Variants in ZNF114 observed in about 807,000 individuals in gnomAD.
The protein encoded by ZNF114 is zinc finger protein 114 (Y18).
In ZNF114, 8 loss-of-function variants were observed where a neutral mutation model predicts 6.8. The ratio of observed to expected loss-of-function variants is 1.18; its 90% CI spans 0.69 to 2.13. The LOEUF is 2.13. Ranked by LOEUF, ZNF114 falls within the 30% of genes most tolerant of loss-of-function variation. The pLI is 0.00. For synonymous variants in ZNF114, 169 were observed against 185.5 expected (o/e 0.91, Z 0.72); for missense variants, 472 against 519.5 (o/e 0.91, Z 0.89).
intron 3 of ZNF114, among the ~76,000 whole-genome samples, chr19:48,275,196 AAGAG>A (rs1302288873): frequency 7.1e-6 from 1 of 141,824 alleles, no homozygotes. Context: ...GAGAGAGAAA[AAGAG>A]AGAGGAAGAG....
intron 1 of ZNF114, among the ~76,000 whole-genome samples, chr19:48,270,841 G>A (rs1967637288): frequency 6.6e-6 from 1 of 152,086 alleles, no homozygotes; most frequent in South Asian, 2.1e-4. Context: ...CACTTTGGGA[G>A]GCCGAGGCGG....
chr19:48,282,345 G>C, intron 4 of ZNF114, 26 bp from the exon 5 acceptor site: 1 of 1,610,716 alleles, frequency 6.2e-7, no homozygotes, highest in Non-Finnish European at 8.5e-7. Context: ...ACACCCCTCC[G>C]AGCCAAACTG....
chr19:48,282,596 A>G, intron 5 of ZNF114, 99 bp downstream of exon 5: 1 of 1,429,492 alleles, frequency 7.0e-7, no homozygotes, highest in South Asian at 1.5e-5. Context: ...ACTGGGTTAA[A>G]TTCCAGAGAC....
rs996961749 is a variant in ZNF114 at position 48,286,994 on chromosome 19, G to A, written c.*116G>A. ...GTGAGAACATCTTCCCTGAACTCTCGTATCTTACAGAAATGTGAAAAAAAA... is the reference window on the plus strand; with the variant it reads ...GTGAGAACATCTTCCCTGAACTCTCATATCTTACAGAAATGTGAAAAAAAA... On this transcript the variant is annotated 3_prime_UTR_variant, in exon 6 of 6. Transcript: ENST00000595607. 6 of 1,102,838 alleles carry A rather than the reference G, an allele frequency of 5.4e-6. No homozygotes were observed. The highest frequency in any genetic ancestry group is 7.4e-6 in the Non-Finnish European group (6 of 811,700). 68.3% of individuals were successfully genotyped at this position (1,102,838 alleles called of 1,614,324 possible).
chr19:48,286,001 A>C lies in ZNF114; in HGVS notation c.377A>C (p.His126Pro). ...TCTCCTGTTAGCATTTGTGAAGATC[A>C]TGAAATGAGGAACCACTCTAAACCT... ...DESPVSICED[H>P]EMRNHSKPTC... The change falls in exon 6 of 6, where the codon CAT becomes CCT. Residue 126 changes from histidine (H) to proline (P), a missense_variant. By Grantham distance (77) the His-to-Pro change is moderately conservative. Transcript: ENST00000595607. 10 of 1,613,970 alleles carry C rather than the reference A, an allele frequency of 6.2e-6. No individual in the cohort carries two copies. The highest frequency in any genetic ancestry group is 8.5e-6 in the Non-Finnish European group (10 of 1,180,020).
At chr19:48,277,357 AAAT>A (rs1967862347) in intron 3 of ZNF114, among the ~76,000 whole-genome samples, 1 of 152,130 alleles carries the variant, frequency 6.6e-6, no homozygotes, top group Non-Finnish European at 1.5e-5. Flanking sequence ...CAAAAAATAA[AAAT>A]AAAAAAATGA....
intron 3 of ZNF114, among the ~76,000 whole-genome samples, chr19:48,274,578 C>A (rs935006910): frequency 6.6e-6 from 1 of 150,418 alleles, no homozygotes; most frequent in African/African-American, 2.4e-5. Context: ...GCAATCTCGT[C>A]TCACCGCAAC....
intron 3 of ZNF114, among the ~76,000 whole-genome samples, chr19:48,272,041 C>T (rs1415402190): frequency 6.6e-6 from 1 of 152,208 alleles, no homozygotes; most frequent in Non-Finnish European, 1.5e-5. Context: ...GTTGCGAAAG[C>T]GCCTGTCCCC....
chr19:48,278,020 C>T (rs1235073430), intron 3 of ZNF114, among the ~76,000 whole-genome samples: 1 of 152,062 alleles, frequency 6.6e-6, no homozygotes, highest in Non-Finnish European at 1.5e-5. Flanking sequence ...CTGCAACCTC[C>T]ACCTCCCAGA....
chr19:48,272,409 C>T, intron 3 of ZNF114, among the ~76,000 whole-genome samples: 1 of 57,166 alleles, frequency 1.7e-5, no homozygotes, highest in African/African-American at 6.7e-5. Context: ...GAGACTCTGT[C>T]TCAAAAAAAA....
In ZNF114 at chr19:48,277,791, T is replaced by A. The variant is rs1165703114; in HGVS notation, c.-69-1940T>A. On this transcript the variant is annotated intron_variant, in intron 3 of 5. Transcript: ENST00000595607. ...TATGAATAGACTGACCAGGGAGGCA[T>A]TGGGTGTGTGTGTGTGTGTGTGTGT... Among the ~76,000 whole-genome samples the A allele has an allele frequency of 5.2e-4, 3 of 5,784 alleles. No individual in the cohort carries two copies. The East Asian group carries it at 5.7e-3, about 11-fold the overall frequency. The allele number at this position is 5,784 out of a possible 152,430, so 3.8% of individuals were successfully genotyped here.
rs568806540 is a variant in ZNF114 at position 48,286,983 on chromosome 19, C to T, written c.*105C>T. On this transcript the variant is annotated 3_prime_UTR_variant, in exon 6 of 6. Transcript: ENST00000595607. Reference sequence around the variant, plus strand: ...GGTTAGCATGAGTGAGAACATCTTCCCTGAACTCTCGTATCTTACAGAAAT... The same window carrying T: ...GGTTAGCATGAGTGAGAACATCTTCTCTGAACTCTCGTATCTTACAGAAAT... 42 of 1,211,320 alleles carry T rather than the reference C, an allele frequency of 3.5e-5. No homozygotes were observed. The African/African-American group carries it at 5.7e-4, about 16-fold the overall frequency. 75.0% of individuals were successfully genotyped at this position (1,211,320 alleles called of 1,614,324 possible).
intron 5 of ZNF114, among the ~76,000 whole-genome samples, chr19:48,284,921 C>G (rs981179018): frequency 6.6e-6 from 1 of 152,142 alleles, no homozygotes. Flanking sequence ...CCAGCCACTG[C>G]ACTCCAGCAC....
At position 48,272,474 on chromosome 19, in the gene ZNF114, A is replaced by G. The variant is rs1459775022; in HGVS notation, c.-70+646A>G. On this transcript the variant is annotated intron_variant, in intron 3 of 5. Transcript: ENST00000595607. Reference sequence around the variant, plus strand: ...CCGGGCATGGTGGCGGGCGCCTGTGATCCTAGCTACACGGGAGGCTGAGGC... The same window carrying G: ...CCGGGCATGGTGGCGGGCGCCTGTGGTCCTAGCTACACGGGAGGCTGAGGC... Among the ~76,000 whole-genome samples the G allele has an allele frequency of 2.7e-5, 4 of 149,168 alleles. No individual in the cohort carries two copies. In the East Asian group the frequency reaches 8.0e-4, roughly 30 times the overall value.
chr19:48,275,440 AC>A (rs1466535906), intron 3 of ZNF114, among the ~76,000 whole-genome samples: 1 of 150,446 alleles, frequency 6.6e-6, no homozygotes, highest in Non-Finnish European at 1.5e-5. Flanking sequence ...ACACACACAC[AC>A]ACACACACAC....
At chr19:48,278,096 C>T (rs561559998) in intron 3 of ZNF114, among the ~76,000 whole-genome samples, 7 of 152,044 alleles carry the variant, frequency 4.6e-5, no homozygotes, top group East Asian at 3.9e-4. Context: ...CCACCACGCC[C>T]GGTTAATTTT....
Position 48,282,387 on chromosome 19 carries a change from C to T in ZNF114, c.26C>T (p.Ala9Val), listed in dbSNP as rs1193749590. The change falls in exon 5 of 6, where the codon GCA becomes GTA. Residue 9 changes from alanine (A) to valine (V), a missense_variant. Transcript: ENST00000595607. MSQDSVTFADVAVNFTKEE... is the reference protein window; with the variant it reads MSQDSVTFVDVAVNFTKEE... ...TTATTTTAGGACTCGGTGACCTTCG[C>T]AGACGTGGCTGTGAACTTCACCAAA... The T allele has an allele frequency of 6.2e-7, 1 of 1,613,034 alleles. No individual in the cohort carries two copies. The highest frequency in any genetic ancestry group is 2.2e-5 in the East Asian group (1 of 44,762).
At chr19:48,285,614 A>C in intron 5 of ZNF114, 147 bp from the exon 6 acceptor site, 1 of 877,094 alleles carries the variant, frequency 1.1e-6, no homozygotes, top group Non-Finnish European at 1.7e-6. Flanking sequence ...GAAGGAAGGA[A>C]GAAAGAAAGG....
intron 1 of ZNF114, 80 bp from the exon 2 acceptor site, chr19:48,271,165 G>C (rs57388607): frequency 0.26 from 39,760 of 152,308 alleles, 5,611 homozygotes; most frequent in East Asian, 0.39. Context: ...GGATGGGGGG[G>C]AGTGGTAGCA....
Sources: allele counts gnomAD v4.1 joint callset (sites outside exome capture counted in the v4.1 genomes callset), GRCh38; gene constraint gnomAD v4.1.1; transcripts MANE v1.5; gene names NCBI Gene and HGNC (gene_info 2026-07-23, HGNC 2026-07-21).